The following KCNT2 variants were observed in gnomAD, a reference collection of about 807,000 sequenced individuals.
The protein encoded by KCNT2 is potassium sodium-activated channel subfamily T member 2, also known as potassium channel subfamily T member 2.
A neutral mutation model predicts 153.8 loss-of-function variants in KCNT2; 67 were observed. The ratio of observed to expected loss-of-function variants is 0.44; its 90% CI spans 0.36 to 0.53. The LOEUF is 0.53. Among genes scored for constraint, KCNT2 ranks in the 20% least tolerant of loss-of-function variants. The pLI, the probability that KCNT2 is intolerant of heterozygous loss-of-function variation, is 0.00. For synonymous variants in KCNT2, 500 were observed against 458.8 expected (o/e 1.09, Z -1.15); for missense variants, 975 against 1,354.8 (o/e 0.72, Z 4.40).
intron 25 of KCNT2, among the ~76,000 whole-genome samples, chr1:196,270,809 G>A (rs765079436): frequency 6.6e-6 from 1 of 151,358 alleles, no homozygotes; most frequent in Non-Finnish European, 1.5e-5. Context: ...ATAGACTAAA[G>A]CAATGGTTTC....
chr1:196,459,611 T>C (rs932253369), intron 8 of KCNT2, among the ~76,000 whole-genome samples: 2 of 151,800 alleles, frequency 1.3e-5, no homozygotes, highest in Non-Finnish European at 2.9e-5. Context: ...CATTTAGGTA[T>C]AACAGAGCCA....
chr1:196,460,707 T>C (rs1677072136), intron 8 of KCNT2, among the ~76,000 whole-genome samples: 1 of 151,686 alleles, frequency 6.6e-6, no homozygotes, highest in Non-Finnish European at 1.5e-5. Context: ...AATCAAAAAG[T>C]TGAGACTTGA....
Position 196,285,637 on chromosome 1 carries a change from T to G in KCNT2, c.2697+20A>C, listed in dbSNP as rs778210381. 2.1e-6 allele frequency: 3 copies of G among 1,450,912 alleles called. No homozygotes were observed. The East Asian group carries it at 6.9e-5, about 33-fold the overall frequency. The allele number at this position is 1,450,912 out of a possible 1,614,324, so 89.9% of individuals were successfully genotyped here. A position where few individuals can be genotyped will look rare whatever the true frequency, so the allele number is the denominator to read the frequency against. On this transcript the variant is annotated intron_variant, in intron 23 of 27. Coordinates refer to ENST00000294725, the MANE Select transcript of KCNT2 (RefSeq NM_198503.5). ...CAGAAAACAACCATTTTAGAGAAAA[T>G]AAAAAGAAATATTGTATACCTGATA... is the stretch of plus-strand genomic sequence containing the variant.
chr1:196,601,021 G>A (rs1205121992), intron 1 of KCNT2, among the ~76,000 whole-genome samples: 1 of 152,170 alleles, frequency 6.6e-6, no homozygotes, highest in African/African-American at 2.4e-5. Flanking sequence ...GCTATGGATA[G>A]CTTCAGTAAC....
intron 13 of KCNT2, among the ~76,000 whole-genome samples, chr1:196,383,742 G>A (rs1023427793): frequency 6.6e-6 from 1 of 152,074 alleles, no homozygotes; most frequent in African/African-American, 2.4e-5. Context: ...CGCATTCTAT[G>A]AAGACTAAAA....
chr1:196,442,720 A>G lies in KCNT2; in HGVS notation c.639-12963T>C, dbSNP rs545868113. ...AACAACAACAACAGGACTCTGAAGCAGAGAAAAAATAAATAAAAATGTGAG... is the reference window on the plus strand; with the variant it reads ...AACAACAACAACAGGACTCTGAAGCGGAGAAAAAATAAATAAAAATGTGAG... On this transcript the variant is annotated intron_variant, in intron 8 of 27. Transcript: ENST00000294725. Among the ~76,000 whole-genome samples the G allele has an allele frequency of 7.2e-5, 11 of 151,878 alleles. No homozygotes were observed. The South Asian group carries it at 2.3e-3, about 32-fold the overall frequency.
At chr1:196,376,337 G>C (rs893619001) in intron 13 of KCNT2, among the ~76,000 whole-genome samples, 1 of 151,612 alleles carries the variant, frequency 6.6e-6, no homozygotes, top group Non-Finnish European at 1.5e-5. Flanking sequence ...ACATATCCAA[G>C]GAACAACCTA....
intron 22 of KCNT2, among the ~76,000 whole-genome samples, chr1:196,295,162 A>T (rs1323507045): frequency 2.0e-5 from 3 of 151,614 alleles, no homozygotes; most frequent in Non-Finnish European, 2.9e-5. Context: ...ATATGTGTAT[A>T]TATATAAATG....
chr1:196,285,567 C>T, intron 23 of KCNT2, 90 bp downstream of exon 23: 1 of 659,072 alleles, frequency 1.5e-6, no homozygotes. Context: ...TTAGTAGCTG[C>T]ATGTGAAACA....
At chr1:196,468,075 G>A (rs1194429703) in intron 6 of KCNT2, among the ~76,000 whole-genome samples, 2 of 152,072 alleles carry the variant, frequency 1.3e-5, no homozygotes, top group African/African-American at 4.8e-5. Flanking sequence ...TAGTGTGATG[G>A]TTTGTAATAG....
chr1:196,256,521 T>C (rs1656513285), intron 26 of KCNT2, among the ~76,000 whole-genome samples: 2 of 152,114 alleles, frequency 1.3e-5, no homozygotes, highest in South Asian at 4.1e-4. Context: ...GCTAACTCTT[T>C]GAAAAAAATA....
intron 5 of KCNT2, among the ~76,000 whole-genome samples, chr1:196,471,458 C>A: frequency 6.6e-6 from 1 of 152,100 alleles, no homozygotes; most frequent in East Asian, 1.9e-4. Flanking sequence ...TTTCTTTCAT[C>A]AGTTTTTACA....
intron 21 of KCNT2, among the ~76,000 whole-genome samples, chr1:196,306,033 C>T (rs1034616630): frequency 6.6e-6 from 1 of 151,968 alleles, no homozygotes; most frequent in Non-Finnish European, 1.5e-5. Flanking sequence ...AGATTTCTTT[C>T]CCCCAGAGAA....
At chr1:196,534,732 G>T (rs557550618) in intron 1 of KCNT2, among the ~76,000 whole-genome samples, 2 of 152,190 alleles carry the variant, frequency 1.3e-5, no homozygotes, top group African/African-American at 2.4e-5. Flanking sequence ...ATATATTTTT[G>T]ATATACATTA....
chr1:196,275,157 T>C (rs1415014805), intron 25 of KCNT2, among the ~76,000 whole-genome samples: 1 of 151,874 alleles, frequency 6.6e-6, no homozygotes, highest in Non-Finnish European at 1.5e-5. Flanking sequence ...ATATTATGGA[T>C]TGAGAAGGAA....
At chr1:196,411,463 A>AC (rs1672327438) in intron 12 of KCNT2, among the ~76,000 whole-genome samples, 2 of 150,126 alleles carry the variant, frequency 1.3e-5, no homozygotes, top group Admixed American at 6.7e-5. Flanking sequence ...AAAAAAAAAA[A>AC]AAAAAACGGC....
chr1:196,428,833 G>T (rs1002962496), intron 9 of KCNT2, among the ~76,000 whole-genome samples: 19 of 152,062 alleles, frequency 1.2e-4, no homozygotes, highest in African/African-American at 4.6e-4. Context: ...AGTTTGATTT[G>T]CATTTCCCTA....
At chr1:196,297,824 G>C (rs1163629489) in intron 22 of KCNT2, among the ~76,000 whole-genome samples, 1 of 152,140 alleles carries the variant, frequency 6.6e-6, no homozygotes, top group Admixed American at 6.6e-5. Context: ...GAAAAAATTA[G>C]TAGGACAATG....
chr1:196,421,599 A>T (rs185033939), intron 12 of KCNT2, among the ~76,000 whole-genome samples: 166 of 152,222 alleles, frequency 1.1e-3, no homozygotes, highest in African/African-American at 3.7e-3. Flanking sequence ...TAAGGTAGTA[A>T]TTGTGAAGAA....
Sources: allele counts gnomAD v4.1 joint callset (sites outside exome capture counted in the v4.1 genomes callset), GRCh38; gene constraint gnomAD v4.1.1; transcripts MANE v1.5; gene names NCBI Gene and HGNC (gene_info 2026-07-23, HGNC 2026-07-21).